Variants in UGGT2 observed in about 807,000 individuals in gnomAD.
The protein encoded by UGGT2 is UDP-glucose glycoprotein glucosyltransferase 2.
UGGT2 carries 180 observed loss-of-function variants against 192.1 expected under a neutral mutation model. The observed-to-expected ratio is 0.94, with a 90% confidence interval of 0.83 to 1.06. The LOEUF (loss-of-function observed/expected upper bound fraction) is 1.06, where lower values mean the gene tolerates loss of function less well. Among genes scored for constraint, UGGT2 ranks in the 50% least tolerant of loss-of-function variants. UGGT2 has a pLI of 0.00. For synonymous variants in UGGT2, 580 were observed against 591.0 expected, an observed-to-expected ratio of 0.98 and a Z score of 0.27; for missense variants, 1,849 against 1,795.7, an observed-to-expected ratio of 1.03 and a Z score of -0.54.
chr13:95,995,994 G>A, intron 7 of UGGT2, 69 bp downstream of exon 7: 1 of 1,316,982 alleles, frequency 7.6e-7, no homozygotes, highest in Non-Finnish European at 1.1e-6. Context: ...TGGCAAAACA[G>A]TATATCAAAT....
chr13:95,869,635 T>G (rs1032367626), intron 29 of UGGT2, among the ~76,000 whole-genome samples: 2 of 152,124 alleles, frequency 1.3e-5, no homozygotes, highest in Non-Finnish European at 2.9e-5. Flanking sequence ...CCAAATTGAG[T>G]CTAGATAGTC....
chr13:95,949,418 TA>T lies in UGGT2; in HGVS notation c.1371del (p.Thr458HisfsTer10). The T allele has an allele frequency of 1.3e-6, 2 of 1,570,536 alleles. No individual in the cohort carries two copies. Among genetic ancestry groups the T allele is most frequent in the South Asian group, 1.2e-5 (1 of 82,362 alleles). ...INDLENDDLY[I>X]TWPTSCQKLL... ...AGTTTCTGGCAACTTGTAGGCCATG[TA>T]ATATACAAATCATCATTTTCTAAGT... On this transcript the variant is annotated frameshift_variant, in exon 13 of 39. Transcript: ENST00000376747. LOFTEE classifies it high-confidence loss of function.
intron 19 of UGGT2, among the ~76,000 whole-genome samples, chr13:95,926,047 A>T (rs909111675): frequency 3.3e-5 from 5 of 152,118 alleles, no homozygotes; most frequent in Non-Finnish European, 7.4e-5. Flanking sequence ...AACTCATTAT[A>T]TAAGCTTATA....
At chr13:95,988,116 T>G (rs1047037582) in intron 8 of UGGT2, among the ~76,000 whole-genome samples, 2 of 151,990 alleles carry the variant, frequency 1.3e-5, no homozygotes, top group Non-Finnish European at 2.9e-5. Flanking sequence ...TCTTGCTCCC[T>G]CAAGATTAGG....
At chr13:95,911,901 C>T (rs1407116431) in intron 20 of UGGT2, among the ~76,000 whole-genome samples, 1 of 151,930 alleles carries the variant, frequency 6.6e-6, no homozygotes, top group Non-Finnish European at 1.5e-5. Flanking sequence ...ATCAAGTGGG[C>T]TTCATCCCTG....
chr13:95,961,071 AC>A (rs2140701853), intron 12 of UGGT2, among the ~76,000 whole-genome samples: 1 of 152,330 alleles, frequency 6.6e-6, no homozygotes, highest in East Asian at 1.9e-4. Context: ...AATGGTATCT[AC>A]CATCCTGAAA....
At chr13:96,045,350 C>T (rs1306838232) in intron 1 of UGGT2, among the ~76,000 whole-genome samples, 1 of 152,022 alleles carries the variant, frequency 6.6e-6, no homozygotes, top group Non-Finnish European at 1.5e-5. Context: ...GTAATAAAAG[C>T]CATCTATGAC....
At position 95,900,935 on chromosome 13, in the gene UGGT2, T is replaced by C. The variant is rs2048087806; in HGVS notation, c.2506A>G (p.Met836Val). 6.3e-7 allele frequency: 1 copy of C among 1,584,620 alleles called. No individual in the cohort carries two copies. Among genetic ancestry groups the C allele is most frequent in the Non-Finnish European group, 8.6e-7 (1 of 1,168,922 alleles). ...TTTTTCTCAAAAGCATTCTTATCCA[T>C]CCCCTAAAGCAAAAGTTAAGACTGA... Reference protein sequence around the residue: ...DKIKTFLIEGMDKNAFEKKYN... With the variant: ...DKIKTFLIEGVDKNAFEKKYN... The change falls in exon 22 of 39, where the codon ATG (methionine) becomes GTG (valine). Residue 836 changes from methionine to valine, a missense_variant. Coordinates refer to ENST00000376747, the MANE Select transcript of UGGT2 (RefSeq NM_020121.4).
intron 12 of UGGT2, among the ~76,000 whole-genome samples, chr13:95,967,013 C>T (rs529096088): frequency 6.6e-6 from 1 of 152,230 alleles, no homozygotes; most frequent in African/African-American, 2.4e-5. Context: ...CTAGTTTCTA[C>T]TTTGTTTTCA....
chr13:96,002,101 G>C (rs75669310), intron 5 of UGGT2, among the ~76,000 whole-genome samples: 1,979 of 152,260 alleles, frequency 0.013, 41 homozygotes, highest in African/African-American at 0.046. Context: ...AACAACATGA[G>C]GGGTCAGTAT....
At chr13:95,851,289 T>C (rs1204342337) in intron 36 of UGGT2, among the ~76,000 whole-genome samples, 1 of 152,176 alleles carries the variant, frequency 6.6e-6, no homozygotes, top group Non-Finnish European at 1.5e-5. Context: ...AATGTGGCAA[T>C]GCCAGTAGAG....
chr13:96,037,496 C>T (rs916935832), intron 1 of UGGT2, among the ~76,000 whole-genome samples: 5 of 152,164 alleles, frequency 3.3e-5, no homozygotes, highest in African/African-American at 9.7e-5. Flanking sequence ...TGCGCTTGGC[C>T]GCAAATTTTA....
At chr13:95,821,868 C>A (rs1885551689) in intron 38 of UGGT2, among the ~76,000 whole-genome samples, 1 of 152,032 alleles carries the variant, frequency 6.6e-6, no homozygotes, top group Non-Finnish European at 1.5e-5. Context: ...CAACAGTTGG[C>A]TGTAAGTATT....
At chr13:95,897,288 G>A (rs575027892) in intron 22 of UGGT2, among the ~76,000 whole-genome samples, 1 of 151,342 alleles carries the variant, frequency 6.6e-6, no homozygotes, top group African/African-American at 2.4e-5. Context: ...TTTGAATCCA[G>A]ATCTGACTAT....
At chr13:95,952,568 T>C (rs1160341893) in intron 12 of UGGT2, among the ~76,000 whole-genome samples, 1 of 152,190 alleles carries the variant, frequency 6.6e-6, no homozygotes, top group Non-Finnish European at 1.5e-5. Context: ...TTTTCTTTTT[T>C]TGAGTATTTT....
At chr13:96,040,801 G>A (rs552408622) in intron 1 of UGGT2, among the ~76,000 whole-genome samples, 2 of 152,246 alleles carry the variant, frequency 1.3e-5, no homozygotes, top group East Asian at 3.9e-4. Context: ...ACCTTAAGGA[G>A]CATAACACAG....
At chr13:95,968,179 T>A (rs11619333) in intron 12 of UGGT2, among the ~76,000 whole-genome samples, 55,864 of 151,886 alleles carry the variant, frequency 0.37, 10,620 homozygotes, top group Non-Finnish European at 0.41. Flanking sequence ...TTCAGATAAA[T>A]AGTTACTTAT....
intron 38 of UGGT2, among the ~76,000 whole-genome samples, chr13:95,808,688 T>C (rs1247386858): frequency 1.3e-5 from 2 of 152,218 alleles, no homozygotes; most frequent in Non-Finnish European, 2.9e-5. Flanking sequence ...GGCTATCACG[T>C]ACCAATATCT....
intron 27 of UGGT2, among the ~76,000 whole-genome samples, chr13:95,881,067 G>A (rs938795004): frequency 3.9e-5 from 6 of 152,116 alleles, no homozygotes; most frequent in East Asian, 1.9e-4. Context: ...CTAGCTACTC[G>A]GGGGGCTGGG....
Sources: gnomAD v4.1 joint callset for allele counts (sites outside exome capture counted in the v4.1 genomes callset) on GRCh38, gnomAD v4.1.1 for gene constraint, MANE v1.5 for transcripts, NCBI Gene and HGNC (gene_info 2026-07-23, HGNC 2026-07-21) for gene names.